SUGCT: variants seen among roughly 807,000 people sequenced by gnomAD.
The protein encoded by SUGCT is succinyl-CoA:glutarate CoA-transferase.
In SUGCT, 41 loss-of-function variants were observed where a neutral mutation model predicts 55.0. The ratio of observed to expected loss-of-function variants is 0.74; its 90% confidence interval spans 0.58 to 0.97. SUGCT has a LOEUF of 0.97. Among genes scored for constraint, SUGCT ranks in the 50% least tolerant of loss-of-function variants. SUGCT has a pLI of 0.00. For synonymous variants in SUGCT, 187 were observed against 200.4 expected (o/e 0.93, Z 0.56); for missense variants, 568 against 547.8 (o/e 1.04, Z -0.37).
intron 13 of SUGCT, among the ~76,000 whole-genome samples, chr7:40,751,217 G>C (rs1409084579): frequency 6.6e-6 from 1 of 152,122 alleles, no homozygotes; most frequent in Non-Finnish European, 1.5e-5. Flanking sequence ...AGAAAACCCC[G>C]AGGTGATGAA....
chr7:40,960,247 A>G, the SUGCT span, among the ~76,000 whole-genome samples: 9 of 152,212 alleles, frequency 5.9e-5, no homozygotes, highest in Admixed American at 2.0e-4. Context: ...ATAGTATCTC[A>G]TTTGCACACT....
intron 12 of SUGCT, among the ~76,000 whole-genome samples, chr7:40,682,429 C>T (rs1784292772): frequency 6.6e-6 from 1 of 152,218 alleles, no homozygotes; most frequent in Non-Finnish European, 1.5e-5. Flanking sequence ...AAGCACAGGT[C>T]ACAACCTGGG....
the SUGCT span, among the ~76,000 whole-genome samples, chr7:41,026,167 T>G: frequency 1.3e-5 from 2 of 152,216 alleles, no homozygotes; most frequent in Non-Finnish European, 2.9e-5. Flanking sequence ...CCTGCGTAGG[T>G]CTTCCTGACT....
At chr7:40,708,820 C>T (rs956946056) in intron 12 of SUGCT, among the ~76,000 whole-genome samples, 3 of 152,124 alleles carry the variant, frequency 2.0e-5, no homozygotes, top group Non-Finnish European at 4.4e-5. Flanking sequence ...TTCCCTTCCG[C>T]TTCTTTCTTC....
At chr7:40,464,770 G>C (rs1790008896) in intron 11 of SUGCT, among the ~76,000 whole-genome samples, 1 of 152,188 alleles carries the variant, frequency 6.6e-6, no homozygotes, top group African/African-American at 2.4e-5. Context: ...CTTTTTCCAG[G>C]GTAGCCATAT....
intron 12 of SUGCT, among the ~76,000 whole-genome samples, chr7:40,628,853 G>A (rs1422333476): frequency 6.6e-6 from 1 of 151,984 alleles, no homozygotes; most frequent in Non-Finnish European, 1.5e-5. Flanking sequence ...CGATTTTCCT[G>A]CCTCAGAGTC....
intron 10 of SUGCT, among the ~76,000 whole-genome samples, chr7:40,452,442 C>T (rs940628545): frequency 6.6e-6 from 1 of 152,076 alleles, no homozygotes; most frequent in African/African-American, 2.4e-5. Context: ...GCCCCATTCC[C>T]GAACATTTTA....
At chr7:40,562,940 C>T (rs774393961) in intron 12 of SUGCT, among the ~76,000 whole-genome samples, 2 of 152,094 alleles carry the variant, frequency 1.3e-5, no homozygotes, top group Non-Finnish European at 2.9e-5. Flanking sequence ...GGATCTTGGA[C>T]TTGGCTCTGA....
intron 12 of SUGCT, among the ~76,000 whole-genome samples, chr7:40,509,607 T>C (rs1483080820): frequency 2.6e-5 from 4 of 152,016 alleles, no homozygotes; most frequent in Non-Finnish European, 5.9e-5. Flanking sequence ...TCTCTCTGAG[T>C]GTTTTGCATT....
chr7:40,244,781 A>G (rs1041915302), intron 7 of SUGCT, among the ~76,000 whole-genome samples: 1 of 152,182 alleles, frequency 6.6e-6, no homozygotes, highest in African/African-American at 2.4e-5. Flanking sequence ...AATCCATAAG[A>G]TACATAAGTA....
In SUGCT at chr7:40,571,562, G is replaced by A. The variant is rs115450228; in HGVS notation, c.1089+75176G>A. Among the ~76,000 whole-genome samples, 258 of 152,280 alleles carry A rather than the reference G, an allele frequency of 1.7e-3. 1 individual carries two copies. Among genetic ancestry groups the A allele is most frequent in the African/African-American group, 6.1e-3 (252 of 41,564 alleles). ...ACAAATATCTCTTAAGGGAGAAGCT[G>A]TTGCTTCTGTTTTCATGTCAGCTAC... On this transcript the variant is annotated intron_variant, in intron 12 of 13. Coordinates refer to ENST00000335693, the MANE Select transcript of SUGCT (RefSeq NM_001193313.2).
At chr7:40,961,825 C>T in the SUGCT span, among the ~76,000 whole-genome samples, 1,870 of 152,154 alleles carry the variant, frequency 0.012, 42 homozygotes, top group African/African-American at 0.042. Flanking sequence ...GTGGCGCATC[C>T]GGAGTTGTTT....
intron 13 of SUGCT, among the ~76,000 whole-genome samples, chr7:40,803,131 CT>C (rs1489878412): frequency 6.6e-6 from 1 of 152,136 alleles, no homozygotes; most frequent in Non-Finnish European, 1.5e-5. Flanking sequence ...GAAGACAAGG[CT>C]TTTCTATTAT....
At chr7:40,948,054 T>C in the SUGCT span, among the ~76,000 whole-genome samples, 2 of 152,182 alleles carry the variant, frequency 1.3e-5, no homozygotes, top group Non-Finnish European at 2.9e-5. Context: ...GCTTTTATAC[T>C]CTGTGTTTGG....
At chr7:40,937,972 C>T in the SUGCT span, among the ~76,000 whole-genome samples, 1 of 152,120 alleles carries the variant, frequency 6.6e-6, no homozygotes, top group African/African-American at 2.4e-5. Flanking sequence ...ACCTAGATCC[C>T]TCGCATGTGC....
At chr7:40,850,462 G>T (rs1162219440) in intron 13 of SUGCT, among the ~76,000 whole-genome samples, 1 of 152,140 alleles carries the variant, frequency 6.6e-6, no homozygotes, top group Non-Finnish European at 1.5e-5. Flanking sequence ...TGTTTTCATT[G>T]TTCCTTCCAC....
At chr7:41,000,959 C>T in the SUGCT span, among the ~76,000 whole-genome samples, 9 of 152,180 alleles carry the variant, frequency 5.9e-5, no homozygotes, top group East Asian at 1.7e-3. Context: ...AATTAAAAAA[C>T]TGGAAAAGAA....
chr7:40,234,840 T>C (rs1788919025), intron 6 of SUGCT, among the ~76,000 whole-genome samples: 1 of 151,664 alleles, frequency 6.6e-6, no homozygotes, highest in African/African-American at 2.4e-5. Context: ...ACACAGTCAG[T>C]CGAGGTTGCG....
intron 8 of SUGCT, among the ~76,000 whole-genome samples, chr7:40,302,274 T>G (rs1794582936): frequency 6.7e-6 from 1 of 148,348 alleles, no homozygotes; most frequent in Non-Finnish European, 1.5e-5. Flanking sequence ...TTCCCACCTG[T>G]TTTTTTTGTC....
Sources: gnomAD v4.1 joint callset for allele counts (sites outside exome capture counted in the v4.1 genomes callset) on GRCh38, gnomAD v4.1.1 for gene constraint, MANE v1.5 for transcripts, NCBI Gene and HGNC (gene_info 2026-07-23, HGNC 2026-07-21) for gene names.